Variants in AUTS2 observed in about 807,000 individuals in gnomAD.
The protein encoded by AUTS2 is activator of transcription and developmental regulator AUTS2.
Under a neutral mutation model 112.4 loss-of-function variants are expected in AUTS2, and 17 were observed. The observed-to-expected ratio is 0.15, with a 90% CI of 0.10 to 0.23. AUTS2 has a LOEUF of 0.23. Ranked by LOEUF, AUTS2 falls within the 10% of genes least tolerant of loss-of-function variation. The pLI is 1.00. For synonymous variants in AUTS2, 751 were observed against 702.7 expected, an observed-to-expected ratio of 1.07 and a Z score of -1.09; for missense variants, 1,510 against 1,701.6, an observed-to-expected ratio of 0.89 and a Z score of 1.98.
intron 4 of AUTS2, among the ~76,000 whole-genome samples, chr7:70,409,791 G>A (rs1403394786): frequency 6.6e-6 from 1 of 152,226 alleles, no homozygotes; most frequent in African/African-American, 2.4e-5. Flanking sequence ...AGTGATTGGA[G>A]AAAAGGGGCT....
intron 3 of AUTS2, among the ~76,000 whole-genome samples, chr7:70,123,750 T>C (rs1331448270): frequency 1.3e-5 from 2 of 152,234 alleles, no homozygotes; most frequent in African/African-American, 4.8e-5. Flanking sequence ...CAATCTGTCA[T>C]TGATGGGCAT....
intron 4 of AUTS2, among the ~76,000 whole-genome samples, chr7:70,136,359 G>T (rs1271368277): frequency 2.0e-5 from 3 of 152,134 alleles, no homozygotes; most frequent in African/African-American, 7.2e-5. Flanking sequence ...AAAATGCCCT[G>T]CTAGGATGTG....
chr7:70,221,496 T>C (rs927005621), intron 4 of AUTS2, among the ~76,000 whole-genome samples: 2 of 152,226 alleles, frequency 1.3e-5, no homozygotes, highest in Non-Finnish European at 2.9e-5. Context: ...AAGTTCCTTC[T>C]GTCAGTCCTT....
chr7:70,169,925 T>C (rs1476538152), intron 4 of AUTS2, among the ~76,000 whole-genome samples: 1 of 152,172 alleles, frequency 6.6e-6, no homozygotes, highest in African/African-American at 2.4e-5. Flanking sequence ...TACAAAACTT[T>C]ATTTGCTGCT....
intron 5 of AUTS2, among the ~76,000 whole-genome samples, chr7:70,441,294 C>A (rs117728464): frequency 6.6e-6 from 1 of 152,240 alleles, no homozygotes; most frequent in Non-Finnish European, 1.5e-5. Context: ...TGTCCTGTAC[C>A]CAGGACAGCC....
chr7:70,777,226 G>T, intron 14 of AUTS2, 52 bp downstream of exon 14: 1 of 1,527,852 alleles, frequency 6.5e-7, no homozygotes, highest in Non-Finnish European at 9.1e-7. Flanking sequence ...ATGTGAGTGT[G>T]TGACGTGCTC....
chr7:69,914,288 C>G, intron 2 of AUTS2, among the ~76,000 whole-genome samples: 1 of 151,254 alleles, frequency 6.6e-6, no homozygotes, highest in Non-Finnish European at 1.5e-5. Flanking sequence ...ATTCCACACT[C>G]CTGTTACATT....
chr7:70,045,990 A>G (rs1278761962), intron 2 of AUTS2, among the ~76,000 whole-genome samples: 1 of 152,144 alleles, frequency 6.6e-6, no homozygotes, highest in African/African-American at 2.4e-5. Context: ...AGGGAATAAC[A>G]GATGAGTACA....
intron 4 of AUTS2, among the ~76,000 whole-genome samples, chr7:70,313,903 C>A (rs73173508): frequency 6.6e-6 from 1 of 152,146 alleles, no homozygotes; most frequent in Non-Finnish European, 1.5e-5. Context: ...AGAGGGGTAA[C>A]GCTCTCATAA....
intron 4 of AUTS2, among the ~76,000 whole-genome samples, chr7:70,423,773 G>T (rs1166978807): frequency 6.6e-6 from 1 of 152,064 alleles, no homozygotes; most frequent in African/African-American, 2.4e-5. Context: ...CGTTGAGAGG[G>T]AATGATGGTT....
At position 70,591,384 on chromosome 7, in the gene AUTS2, C is replaced by CTTTGTTTGTTTGTTTGTTTG. The variant is rs55794656; in HGVS notation, c.691-107173_691-107154dup. ...GTTCCTAGCAACGGGTTTACCCAGT[C>CTTTGTTTGTTTGTTTGTTTG]TTTGTTTGTTTGTTTGTTTGTTTGT... On this transcript the variant is annotated intron_variant, in intron 5 of 18. Coordinates refer to ENST00000342771, the MANE Select transcript of AUTS2 (RefSeq NM_015570.4). 5.3e-5 allele frequency among the ~76,000 whole-genome samples: 8 copies of CTTTGTTTGTTTGTTTGTTTG among 150,378 alleles called. No homozygotes were observed. The South Asian group carries it at 6.3e-4, about 12-fold the overall frequency.
chr7:70,115,377 G>C (rs1199925045), intron 2 of AUTS2, among the ~76,000 whole-genome samples: 1 of 152,146 alleles, frequency 6.6e-6, no homozygotes, highest in East Asian at 1.9e-4. Flanking sequence ...GTCTTGTTAT[G>C]TTTTCTGGGC....
intron 5 of AUTS2, among the ~76,000 whole-genome samples, chr7:70,666,972 T>TAA (rs5884791): frequency 2.9e-5 from 4 of 135,674 alleles, no homozygotes; most frequent in Non-Finnish European, 4.7e-5. Flanking sequence ...GCCGTCTTCT[T>TAA]AAAAAAAAAA....
Position 69,819,089 on chromosome 7 carries a change from A to T in AUTS2, c.310-80197A>T, listed in dbSNP as rs184499276. Among the ~76,000 whole-genome samples, 9 of 152,310 alleles carry T rather than the reference A, an allele frequency of 5.9e-5. No individual in the cohort carries two copies. The East Asian group carries it at 1.7e-3, about 29-fold the overall frequency. On this transcript the variant is annotated intron_variant, in intron 1 of 18. Transcript: ENST00000342771. Reference sequence around the variant, plus strand: ...TGCCTGAGTTTTGTGGAAATGGTACAGTGGGACCCAGTAAGGGTATCTTTT... The same window carrying T: ...TGCCTGAGTTTTGTGGAAATGGTACTGTGGGACCCAGTAAGGGTATCTTTT...
intron 5 of AUTS2, among the ~76,000 whole-genome samples, chr7:70,503,869 C>T (rs1314646387): frequency 4.0e-5 from 6 of 150,984 alleles, no homozygotes; most frequent in Non-Finnish European, 7.4e-5. Context: ...GAAAGAAAAC[C>T]GGCCAAAATG....
At chr7:70,673,676 G>A (rs4717542) in intron 5 of AUTS2, among the ~76,000 whole-genome samples, 14,118 of 152,094 alleles carry the variant, frequency 0.093, 925 homozygotes, top group East Asian at 0.26. Context: ...ATGCCTGGCC[G>A]GATTGTACTC....
At chr7:70,069,624 C>T (rs1018810156) in intron 2 of AUTS2, among the ~76,000 whole-genome samples, 2 of 151,806 alleles carry the variant, frequency 1.3e-5, no homozygotes, top group African/African-American at 4.8e-5. Flanking sequence ...TTATTCCTCT[C>T]AATAGGGACA....
chr7:70,296,042 A>G (rs533601679), intron 4 of AUTS2, among the ~76,000 whole-genome samples: 2 of 152,250 alleles, frequency 1.3e-5, no homozygotes, highest in East Asian at 3.9e-4. Flanking sequence ...TAATGACTAC[A>G]TTAAAGCCCC....
At chr7:70,065,608 A>T (rs1283926598) in intron 2 of AUTS2, among the ~76,000 whole-genome samples, 1 of 152,078 alleles carries the variant, frequency 6.6e-6, no homozygotes, top group Admixed American at 6.6e-5. Context: ...GAGGCAGGAG[A>T]ATTGCTTGAA....
Sources: allele counts gnomAD v4.1 joint callset (sites outside exome capture counted in the v4.1 genomes callset), GRCh38; gene constraint gnomAD v4.1.1; transcripts MANE v1.5; gene names NCBI Gene and HGNC (gene_info 2026-07-23, HGNC 2026-07-21).